The following ANK2 variants were observed in gnomAD, a reference collection of about 807,000 sequenced individuals.
The protein encoded by ANK2 is ankyrin 2.
ANK2 carries 83 observed loss-of-function variants against 360.5 expected under a neutral mutation model. That is an observed-to-expected ratio of 0.23 (90% CI 0.19 to 0.28). The LOEUF is 0.28. Ranked by LOEUF, ANK2 falls within the 10% of genes least tolerant of loss-of-function variation. The pLI, the probability that ANK2 is intolerant of heterozygous loss-of-function variation, is 1.00. For synonymous variants in ANK2, 1,740 were observed against 1,759.5 expected (o/e 0.99, Z 0.28); for missense variants, 4,201 against 4,795.7 (o/e 0.88, Z 3.66).
chr4:113,145,708 C>G (rs2096802282), intron 1 of ANK2: 10 of 1,140,410 alleles, frequency 8.8e-6, no homozygotes, highest in Non-Finnish European at 8.8e-6. Flanking sequence ...AGCAAGCCAG[C>G]TAGCAGATGG....
At chr4:113,010,095 CT>C (rs981221811) in intron 2 of ANK2, among the ~76,000 whole-genome samples, 1 of 152,024 alleles carries the variant, frequency 6.6e-6, no homozygotes, top group Non-Finnish European at 1.5e-5. Context: ...TTACCTTTTG[CT>C]TTTATTTTGC....
At chr4:112,723,229 T>G in the ANK2 span, among the ~76,000 whole-genome samples, 3 of 152,312 alleles carry the variant, frequency 2.0e-5, no homozygotes, top group African/African-American at 7.2e-5. Flanking sequence ...ATTACTGCAG[T>G]GGAAGGGAGG....
At chr4:112,788,215 C>G in the ANK2 span, 3 of 1,590,246 alleles carry the variant, frequency 1.9e-6, no homozygotes, top group Admixed American at 3.3e-5. Context: ...TGTAATTGGT[C>G]CTGATAGCTT....
the ANK2 span, among the ~76,000 whole-genome samples, chr4:112,743,418 A>G: frequency 1.3e-5 from 2 of 151,878 alleles, no homozygotes; most frequent in Non-Finnish European, 2.9e-5. Flanking sequence ...TAACTTCCTT[A>G]TATTATATTG....
chr4:112,801,016 A>G, the ANK2 span, among the ~76,000 whole-genome samples: 1 of 152,136 alleles, frequency 6.6e-6, no homozygotes, highest in South Asian at 2.1e-4. Context: ...GCTGAGAGCT[A>G]TTCATTGCAC....
chr4:112,788,971 A>G, the ANK2 span: 2 of 557,098 alleles, frequency 3.6e-6, no homozygotes, highest in Non-Finnish European at 3.2e-6. Context: ...GGCAGGAACC[A>G]TATTTTATGT....
rs1039829900 is a variant in ANK2 at position 113,209,083 on chromosome 4, T to C, written c.384+9974T>C. Among the ~76,000 whole-genome samples, 5 of 151,834 alleles carry C rather than the reference T, an allele frequency of 3.3e-5. 1 individual carries two copies. The highest frequency in any genetic ancestry group is 1.2e-4 in the African/African-American group (5 of 41,150). ...AATGGATTAACATACATGGGAGCCATACAAAACTATAACAACTCAAATAAA... is the reference window on the plus strand; with the variant it reads ...AATGGATTAACATACATGGGAGCCACACAAAACTATAACAACTCAAATAAA... On this transcript the variant is annotated intron_variant, in intron 4 of 45. Coordinates refer to ENST00000357077, the MANE Select transcript of ANK2 (RefSeq NM_001148.6).
chr4:113,087,195 G>T (rs2085289691), intron 1 of ANK2, among the ~76,000 whole-genome samples: 2 of 152,152 alleles, frequency 1.3e-5, no homozygotes, highest in Admixed American at 1.3e-4. Flanking sequence ...TGAGTACAAG[G>T]TTTCCAGGAA....
chr4:112,866,081 A>G (rs1300241813), intron 1 of ANK2, among the ~76,000 whole-genome samples: 2 of 152,234 alleles, frequency 1.3e-5, no homozygotes, highest in East Asian at 3.8e-4. Flanking sequence ...TCTTAAACAC[A>G]CAGCAGCTAT....
chr4:113,253,125 A>G (rs886675423), intron 10 of ANK2, among the ~76,000 whole-genome samples: 1 of 152,166 alleles, frequency 6.6e-6, no homozygotes, highest in Admixed American at 6.5e-5. Flanking sequence ...CATGTAGTCT[A>G]CATTCTCTCC....
chr4:113,103,149 T>C (rs1406107383), intron 1 of ANK2, among the ~76,000 whole-genome samples: 2 of 152,178 alleles, frequency 1.3e-5, no homozygotes, highest in African/African-American at 4.8e-5. Flanking sequence ...TGTCTACTCC[T>C]GAAGTGATTA....
chr4:113,176,172 A>G (rs2098191132), intron 2 of ANK2, among the ~76,000 whole-genome samples: 1 of 152,194 alleles, frequency 6.6e-6, no homozygotes, highest in African/African-American at 2.4e-5. Flanking sequence ...ATATGGGGGA[A>G]GAAAGGGATA....
intron 35 of ANK2, 54 bp downstream of exon 35, chr4:113,346,076 A>G: frequency 6.2e-7 from 1 of 1,605,920 alleles, no homozygotes; most frequent in Non-Finnish European, 8.5e-7. Context: ...TTGATTTTTA[A>G]ATCTTGTTTT....
intron 4 of ANK2, among the ~76,000 whole-genome samples, chr4:113,204,242 T>C (rs147738957): frequency 0.025 from 3,729 of 152,152 alleles, 78 homozygotes; most frequent in Non-Finnish European, 0.038. Context: ...AGCAAATTGG[T>C]TTATATAATG....
chr4:113,268,720 G>A (rs1329624495), intron 14 of ANK2, among the ~76,000 whole-genome samples: 1 of 152,058 alleles, frequency 6.6e-6, no homozygotes, highest in South Asian at 2.1e-4. Flanking sequence ...TTTTTTTGTT[G>A]TGTCTCTGCC....
the ANK2 span, among the ~76,000 whole-genome samples, chr4:112,756,208 A>C: frequency 6.8e-6 from 1 of 146,778 alleles, no homozygotes; most frequent in Non-Finnish European, 1.5e-5. Flanking sequence ...ACTGCACTTC[A>C]GCCTGGGTGA....
At chr4:113,221,456 T>G (rs1487775153) in intron 4 of ANK2, among the ~76,000 whole-genome samples, 1 of 152,060 alleles carries the variant, frequency 6.6e-6, no homozygotes, top group Non-Finnish European at 1.5e-5. Context: ...GGTCAGGAGT[T>G]TGAGACCATC....
At chr4:112,809,699 T>A in the ANK2 span, among the ~76,000 whole-genome samples, 3 of 150,634 alleles carry the variant, frequency 2.0e-5, no homozygotes, top group South Asian at 6.4e-4. Flanking sequence ...CTGGGCAATA[T>A]GGTGAAACCC....
In ANK2 at chr4:113,370,701, A is replaced by T. The variant is rs141512170; in HGVS notation, c.11610+896A>T. On this transcript the variant is annotated intron_variant, in intron 43 of 45. Transcript: ENST00000357077. ...CATGAACCCGGGAAGCGGAGCTTGC[A>T]GTGAGCCAAGATCATACCACTGCAC... Among the ~76,000 whole-genome samples, 1,455 of 152,364 alleles carry T rather than the reference A, an allele frequency of 9.5e-3. 26 individuals are homozygous for T. The highest frequency in any genetic ancestry group is 0.033 in the African/African-American group (1,371 of 41,590).
Sources: allele counts gnomAD v4.1 joint callset (sites outside exome capture counted in the v4.1 genomes callset), GRCh38; gene constraint gnomAD v4.1.1; transcripts MANE v1.5; gene names NCBI Gene and HGNC (gene_info 2026-07-23, HGNC 2026-07-21).